PTCH1: variants seen among roughly 807,000 people sequenced by gnomAD.
The protein encoded by PTCH1 is patched 1.
A neutral mutation model predicts 144.6 loss-of-function variants in PTCH1; 14 were observed. The observed-to-expected ratio is 0.10, with a 90% CI of 0.06 to 0.15. The LOEUF is 0.15. Among genes scored for constraint, PTCH1 ranks in the 10% least tolerant of loss-of-function variants. PTCH1 has a pLI of 1.00. For synonymous variants in PTCH1, 833 were observed against 793.6 expected, an observed-to-expected ratio of 1.05 and a Z score of -0.83; for missense variants, 1,623 against 1,948.3, an observed-to-expected ratio of 0.83 and a Z score of 3.14.
chr9:95,510,730 T>C (rs1844105966), upstream of PTCH1, among the ~76,000 whole-genome samples: 1 of 148,646 alleles, frequency 6.7e-6, no homozygotes, highest in Admixed American at 6.6e-5. Flanking sequence ...TGTATGTTCA[T>C]TGAAAAAAAA....
intron 19 of PTCH1, among the ~76,000 whole-genome samples, chr9:95,454,699 C>T (rs1838766070): frequency 6.6e-6 from 1 of 152,184 alleles, no homozygotes; most frequent in Non-Finnish European, 1.5e-5. Context: ...ACTGAGACAG[C>T]AAATGAACGG....
rs563305974 is a variant in PTCH1 at position 95,446,370 on chromosome 9, T to A, written c.*23A>T. ...TGGGGGGTTTCCAATCTTTGGCCTC[T>A]TTGCTTCAGATTTTAATCACCCTTT... On this transcript the variant is annotated 3_prime_UTR_variant, in exon 24 of 24. Coordinates refer to ENST00000331920, the MANE Select transcript of PTCH1 (RefSeq NM_000264.5). The A allele has an allele frequency of 1.9e-6, 1 of 518,704 alleles. No homozygotes were observed. The highest frequency in any genetic ancestry group is 5.4e-5 in the East Asian group (1 of 18,356). 32.1% of individuals were successfully genotyped at this position (518,704 alleles called of 1,614,324 possible).
At chr9:95,499,732 C>T (rs2118783718) in intron 2 of PTCH1, among the ~76,000 whole-genome samples, 1 of 152,092 alleles carries the variant, frequency 6.6e-6, no homozygotes, top group African/African-American at 2.4e-5. Flanking sequence ...ATCTGGTCCC[C>T]TTTACAGTTA....
At chr9:95,470,490 G>C (rs1358240692) in intron 12 of PTCH1, among the ~76,000 whole-genome samples, 2 of 152,154 alleles carry the variant, frequency 1.3e-5, no homozygotes, top group Non-Finnish European at 2.9e-5. Flanking sequence ...AAAAGGTCAA[G>C]GAGAGTTAAG....
At chr9:95,460,375 G>T (rs1839355876) in intron 16 of PTCH1, among the ~76,000 whole-genome samples, 1 of 152,176 alleles carries the variant, frequency 6.6e-6, no homozygotes, top group South Asian at 2.1e-4. Context: ...CGCACGCCGC[G>T]TCCTCTGCGT....
chr9:95,507,781 G>C (rs1843820851), intron 1 of PTCH1: 1 of 305,068 alleles, frequency 3.3e-6, no homozygotes, highest in African/African-American at 2.2e-5. Context: ...GGGCAGGGGC[G>C]CAGGAGGAAG....
At chr9:95,448,867 AACC>A (rs2136594656) in intron 22 of PTCH1, among the ~76,000 whole-genome samples, 199 bp downstream of exon 22, 1 of 152,352 alleles carries the variant, frequency 6.6e-6, no homozygotes, top group South Asian at 2.1e-4. Context: ...TATGAGATCA[AACC>A]ACAGGAAGAT....
In PTCH1 at chr9:95,458,290, G is replaced by A. The variant is rs377120922; in HGVS notation, c.2891C>T (p.Pro964Leu). 6 of 1,613,222 alleles carry A rather than the reference G, an allele frequency of 3.7e-6. No homozygotes were observed. Among genetic ancestry groups the A allele is most frequent in the South Asian group, 3.3e-5 (3 of 90,968 alleles). Residue 964 changes from proline (P) to leucine (L), a missense_variant, in exon 18 of 24, where the codon CCG becomes CTG. Around this residue, in one of 7 missense-constraint regions of PTCH1, gnomAD observed 504 missense variants for 679.3 expected, o/e 0.74. Transcript: ENST00000331920. The surrounding 1 kb of genome is among the most constrained non-coding windows in gnomAD (Gnocchi z 4.7). ...DYMPETRLRI[P>L]AAEPIEYAQF... ...GGCATACTCGATGGGCTCTGCTGCC[G>A]GGACTGGACAGAGAAGGGCACAGGT...
intron 2 of PTCH1, among the ~76,000 whole-genome samples, chr9:95,497,245 G>A (rs1011708168): frequency 2.6e-5 from 4 of 152,208 alleles, no homozygotes; most frequent in Admixed American, 2.6e-4. Context: ...CTATCTGGAA[G>A]GATAGGTAAT....
rs2118337530 is a variant in PTCH1, at chr9:95,478,153, G to A, written c.1249C>T (p.Gln417Ter). The change falls in exon 9 of 24, where the codon CAA (glutamine) becomes TAA (stop). Residue 417 changes from glutamine (Q) to a stop codon, truncating the protein, a stop_gained. Coordinates refer to ENST00000331920, the MANE Select transcript of PTCH1 (RefSeq NM_000264.5). LOFTEE classifies it high-confidence loss of function. The stretch of plus-strand genomic sequence containing the variant: ...GTGGTGGTGAAGGAAAGCACCTTTT[G>A]AGTGGAGTTCTGTGCGACACTCTGA... The part of the protein sequence containing the change: ...VHQSVAQNST[Q>*]KVLSFTTTTL... 2 of 1,614,172 alleles carry A rather than the reference G, an allele frequency of 1.2e-6. No individual in the cohort carries two copies. The highest frequency in any genetic ancestry group is 1.7e-6 in the Non-Finnish European group (2 of 1,180,040).
Position 95,508,202 on chromosome 9 carries a change from T to C in PTCH1, c.160A>G (p.Ser54Gly), listed in dbSNP as rs1490959369. ...APDRDYLHRP[S>G]YCDAAFALEQ... ...AGAGCGAAGGCGGCGTCGCAGTAGCTGGGCCGGTGCAGATAGTCCCGGTCC... is the reference window on the plus strand; with the variant it reads ...AGAGCGAAGGCGGCGTCGCAGTAGCCGGGCCGGTGCAGATAGTCCCGGTCC... Residue 54 changes from serine (S) to glycine (G), a missense_variant, in exon 1 of 24, where the codon AGC becomes GGC. By Grantham distance (56) the Ser-to-Gly change is moderately conservative (BLOSUM62 0). Transcript: ENST00000331920. 1 of 1,612,388 alleles carries C rather than the reference T, an allele frequency of 6.2e-7. No individual in the cohort carries two copies. The highest frequency in any genetic ancestry group is 1.1e-5 in the South Asian group (1 of 91,066).
intron 19 of PTCH1, 29 bp downstream of exon 19, chr9:95,456,247 A>T (rs765464253): frequency 6.2e-7 from 1 of 1,606,614 alleles, no homozygotes. Flanking sequence ...GTTTTTTCAC[A>T]AAGTTTTTGC....
chr9:95,514,737 G>T (rs941889542), intron 1 of PTCH1, among the ~76,000 whole-genome samples: 1 of 152,066 alleles, frequency 6.6e-6, no homozygotes, highest in African/African-American at 2.4e-5. Flanking sequence ...GTAGAAAGTT[G>T]AAGATAATTT....
intron 15 of PTCH1, among the ~76,000 whole-genome samples, chr9:95,466,367 GAATTT>G (rs1192415978): frequency 6.6e-6 from 1 of 152,078 alleles, no homozygotes; most frequent in African/African-American, 2.4e-5. Context: ...TTTTAAAACA[GAATTT>G]AATTATTTAT....
intron 18 of PTCH1, among the ~76,000 whole-genome samples, chr9:95,456,983 C>A (rs150448054): frequency 6.6e-6 from 1 of 152,206 alleles, no homozygotes; most frequent in East Asian, 1.9e-4. Context: ...GCGGGGAGGT[C>A]GTCATCAGCT....
rs1837887311 is a variant in PTCH1 at position 95,446,391 on chromosome 9, C to G, written c.*2G>C. ...CCTCTTTGCTTCAGATTTTAATCACCCTTTAAAAGGAAGCAAAAAAGGAAG... is the reference window on the plus strand; with the variant it reads ...CCTCTTTGCTTCAGATTTTAATCACGCTTTAAAAGGAAGCAAAAAAGGAAG... On this transcript the variant is annotated splice_region_variant and 3_prime_UTR_variant, in exon 24 of 24. Coordinates refer to ENST00000331920, the MANE Select transcript of PTCH1 (RefSeq NM_000264.5). 3.9e-6 allele frequency: 2 copies of G among 518,578 alleles called. No individual in the cohort carries two copies. Among genetic ancestry groups the G allele is most frequent in the South Asian group, 2.8e-5 (2 of 71,382 alleles). The allele number at this position is 518,578 out of a possible 1,614,324, so 32.1% of individuals were successfully genotyped here.
intron 3 of PTCH1, among the ~76,000 whole-genome samples, chr9:95,484,506 C>A (rs1299141427): frequency 2.6e-5 from 4 of 152,158 alleles, no homozygotes; most frequent in African/African-American, 7.2e-5. Context: ...AGAGAAGGGA[C>A]AAGAAAAATC....
At chr9:95,505,822 G>C (rs1843537835) in intron 2 of PTCH1, among the ~76,000 whole-genome samples, 1 of 150,996 alleles carries the variant, frequency 6.6e-6, no homozygotes, top group African/African-American at 2.4e-5. Flanking sequence ...TTCCCTCAGA[G>C]TTGAAAGCTG....
Position 95,461,874 on chromosome 9 carries a change from C to T in PTCH1, c.2685G>A (p.Lys895=), listed in dbSNP as rs1431878972. The T allele has an allele frequency of 1.9e-6, 3 of 1,614,108 alleles. No individual in the cohort carries two copies. The highest frequency in any genetic ancestry group is 2.5e-6 in the Non-Finnish European group (3 of 1,180,060). Residue 895 remains lysine (K), a synonymous_variant, in exon 16 of 24, where the codon AAG becomes AAA. Transcript: ENST00000331920. ...GGAGTACCTGGCTGATGTCGATGGG[C>T]TTATCGCGGCTGCCGGTTTGCACCA... The part of the protein sequence containing the change: ...KLLVQTGSRD[K]PIDISQLTKQ...
Sources: gnomAD v4.1 joint callset for allele counts (sites outside exome capture counted in the v4.1 genomes callset) on GRCh38, gnomAD v4.1.1 for gene constraint, gnomAD v4.1.1 regional missense constraint, Gnocchi (gnomAD v3.1) non-coding constraint, MANE v1.5 for transcripts, NCBI Gene and HGNC (gene_info 2026-07-23, HGNC 2026-07-21) for gene names.